The following SAP130 variants were observed in gnomAD, a reference collection of about 807,000 sequenced individuals.
SAP130 encodes histone deacetylase complex subunit SAP130.
SAP130 carries 16 observed loss-of-function variants against 103.2 expected under a neutral mutation model. The observed-to-expected ratio is 0.16, with a 90% CI of 0.10 to 0.24. The LOEUF (loss-of-function observed/expected upper bound fraction) is 0.24. Among genes scored for constraint, SAP130 ranks in the 10% least tolerant of loss-of-function variants. The pLI, the probability that SAP130 is intolerant of heterozygous loss-of-function variation, is 1.00. For missense variants in SAP130, 990 were observed against 1,359.7 expected (o/e 0.73, Z 4.28); for synonymous variants, 477 against 497.0 (o/e 0.96, Z 0.53).
At chr2:127,966,474 G>A (rs567308975) in intron 15 of SAP130, among the ~76,000 whole-genome samples, 10 of 151,788 alleles carry the variant, frequency 6.6e-5, no homozygotes, top group African/African-American at 1.7e-4. Context: ...AGGCCGAGGC[G>A]GGCAGATCAT....
chr2:127,975,696 T>A (rs761213279), intron 15 of SAP130, among the ~76,000 whole-genome samples: 9 of 152,182 alleles, frequency 5.9e-5, no homozygotes, highest in Non-Finnish European at 8.8e-5. Flanking sequence ...AGTATGACTA[T>A]GAGTGGTGTT....
chr2:128,014,974 G>T, intron 4 of SAP130, 60 bp from the exon 5 acceptor site: 1 of 1,364,864 alleles, frequency 7.3e-7, no homozygotes. Context: ...TTGCCTCTAG[G>T]AAGTCACCTG....
chr2:128,005,717 G>A (rs1392356156), intron 7 of SAP130, among the ~76,000 whole-genome samples: 1 of 151,760 alleles, frequency 6.6e-6, no homozygotes, highest in Non-Finnish European at 1.5e-5. Context: ...CGCGATCTTG[G>A]CTCACTGCAA....
intron 3 of SAP130, 79 bp downstream of exon 3, chr2:128,017,601 A>G: frequency 8.0e-7 from 1 of 1,257,264 alleles, no homozygotes; most frequent in East Asian, 2.3e-5. Flanking sequence ...GATACAGCCT[A>G]AGATTTTATA....
At chr2:128,001,330 T>A (rs1009806628) in intron 7 of SAP130, among the ~76,000 whole-genome samples, 2 of 151,860 alleles carry the variant, frequency 1.3e-5, no homozygotes, top group African/African-American at 4.8e-5. Context: ...AAGGCTAAAG[T>A]GAGCTCTCCA....
At chr2:128,027,896 C>T (rs1426834899) in intron 1 of SAP130, 44 bp downstream of exon 1, 1 of 982,312 alleles carries the variant, frequency 1.0e-6, no homozygotes, top group Non-Finnish European at 1.2e-6. Flanking sequence ...GCCCCGCCCC[C>T]TCGTCTCCTC....
chr2:127,969,781 A>G (rs1680935595), intron 15 of SAP130, among the ~76,000 whole-genome samples: 2 of 152,100 alleles, frequency 1.3e-5, no homozygotes, highest in African/African-American at 4.8e-5. Context: ...TCTGTGTCCT[A>G]ATTTCCCCTT....
intron 6 of SAP130, among the ~76,000 whole-genome samples, 194 bp from the exon 7 acceptor site, chr2:128,010,587 G>A (rs1684322492): frequency 1.3e-5 from 2 of 152,078 alleles, no homozygotes; most frequent in African/African-American, 4.8e-5. Context: ...GGCCGGGCAC[G>A]GTGGCTCACG....
chr2:127,951,662 G>C (rs1679504313), intron 16 of SAP130, among the ~76,000 whole-genome samples: 1 of 151,978 alleles, frequency 6.6e-6, no homozygotes, highest in African/African-American at 2.4e-5. Flanking sequence ...GCTTTACTGT[G>C]CTCATTTAGC....
At chr2:127,957,024 C>T (rs1188581467) in intron 15 of SAP130, among the ~76,000 whole-genome samples, 1 of 152,170 alleles carries the variant, frequency 6.6e-6, no homozygotes, top group Non-Finnish European at 1.5e-5. Context: ...TTGAGTTGGG[C>T]ACAGTGGCTC....
At chr2:127,982,006 A>C (rs972128184) in intron 14 of SAP130, among the ~76,000 whole-genome samples, 1 of 152,196 alleles carries the variant, frequency 6.6e-6, no homozygotes, top group African/African-American at 2.4e-5. Context: ...CTGACCTTAC[A>C]GTAACATTGT....
rs200188563 is a variant in SAP130, at chr2:128,018,313, C to CAAA, written c.113-401_113-399dup. On this transcript the variant is annotated intron_variant, in intron 2 of 20. Transcript: ENST00000643581. Reference sequence around the variant, plus strand: ...CAAAACCCTATCTCTACTAAAAATACAAAAAAAAAAAAAAAAAACAAACCA... The same window carrying CAAA: ...CAAAACCCTATCTCTACTAAAAATACAAAAAAAAAAAAAAAAAAAAACAAACCA... Among the ~76,000 whole-genome samples the CAAA allele has an allele frequency of 9.3e-4, 47 of 50,582 alleles. No homozygotes were observed. In the South Asian group the frequency reaches 9.5e-3, roughly 10 times the overall value. The allele number at this position is 50,582 out of a possible 152,430, so 33.2% of individuals were successfully genotyped here.
chr2:128,018,116 G>C (rs1260854117), intron 2 of SAP130, among the ~76,000 whole-genome samples: 4 of 152,060 alleles, frequency 2.6e-5, no homozygotes, highest in Admixed American at 2.6e-4. Context: ...GTGGAATATA[G>C]AATTTATTCT....
chr2:127,994,365 C>T (rs1683030699), intron 11 of SAP130, among the ~76,000 whole-genome samples: 1 of 152,066 alleles, frequency 6.6e-6, no homozygotes, highest in African/African-American at 2.4e-5. Context: ...CTGAGGCAGG[C>T]AGGCTATTTG....
In SAP130 at chr2:127,942,046, A is replaced by T; in HGVS notation, c.3134T>A (p.Val1045Asp). Residue 1045 changes from valine (V) to aspartate (D), a missense_variant, in exon 21 of 21, where the codon GTC becomes GAC. Around this residue, in one of 6 missense-constraint regions of SAP130, gnomAD observed 69 missense variants for 165.7 expected, o/e 0.42. Coordinates refer to ENST00000643581, the MANE Select transcript of SAP130 (RefSeq NM_001330301.2). This position sits in a 1 kb window ranked among gnomAD's most constrained non-coding sequence, Gnocchi z 4.8. ...VLKLLNKNGT[V>D]KKVSKLKRKE... is the part of the protein sequence containing the mutation. ...TCGCTTCAATTTGGACACTTTTTTG[A>T]CAGTCCCGTTCTTGTTAAGCAGCTT... is the stretch of plus-strand genomic sequence containing the variant. 6.2e-7 allele frequency: 1 copy of T among 1,603,426 alleles called. No homozygotes were observed. The highest frequency in any genetic ancestry group is 8.5e-7 in the Non-Finnish European group (1 of 1,178,066).
chr2:127,975,393 A>C (rs1681387022), intron 15 of SAP130, among the ~76,000 whole-genome samples: 1 of 152,214 alleles, frequency 6.6e-6, no homozygotes, highest in Non-Finnish European at 1.5e-5. Context: ...AAAAAGAAAA[A>C]AGGATAAGAC....
chr2:127,978,093 A>G lies in SAP130; in HGVS notation c.1959-4T>C, dbSNP rs996911057. The G allele has an allele frequency of 5.2e-6, 8 of 1,550,580 alleles. No homozygotes were observed. The African/African-American group carries it at 9.6e-5, about 19-fold the overall frequency. The stretch of plus-strand genomic sequence containing the variant: ...GAGGGTTTTCCGAACTGCCATTCTG[A>G]AAGAGACAAGAGACAAACCCGGAGA... On this transcript the variant is annotated splice_region_variant and splice_polypyrimidine_tract_variant and intron_variant, in intron 14 of 20. Coordinates refer to ENST00000643581, the MANE Select transcript of SAP130 (RefSeq NM_001330301.2).
At position 128,016,561 on chromosome 2, in the gene SAP130, A is replaced by G. The variant is rs371351814; in HGVS notation, c.349-14T>C. The G allele has an allele frequency of 6.2e-7, 1 of 1,603,784 alleles. No individual in the cohort carries two copies. Among genetic ancestry groups the G allele is most frequent in the African/African-American group, 1.3e-5 (1 of 74,578 alleles). ...CTTCGGGGGCGGCTGCAAACAGAAA[A>G]CCACACAAAACATATCAATGGCCTC... On this transcript the variant is annotated splice_polypyrimidine_tract_variant and intron_variant, in intron 3 of 20. Transcript: ENST00000643581.
At chr2:127,991,122 T>C (rs1376802909) in intron 12 of SAP130, among the ~76,000 whole-genome samples, 1 of 151,752 alleles carries the variant, frequency 6.6e-6, no homozygotes, top group Non-Finnish European at 1.5e-5. Flanking sequence ...TGCTGGCGCA[T>C]ACCTATAATA....
Sources: gnomAD v4.1 joint callset for allele counts (sites outside exome capture counted in the v4.1 genomes callset) on GRCh38, gnomAD v4.1.1 for gene constraint, gnomAD v4.1.1 regional missense constraint, Gnocchi (gnomAD v3.1) non-coding constraint, MANE v1.5 for transcripts, NCBI Gene and HGNC (gene_info 2026-07-23, HGNC 2026-07-21) for gene names.